The following USPL1 variants were observed in gnomAD, a reference collection of about 807,000 sequenced individuals.
USPL1 encodes ubiquitin specific peptidase like 1.
Under a neutral mutation model 51.5 loss-of-function variants are expected in USPL1, and 27 were observed. The ratio of observed to expected loss-of-function variants is 0.52; its 90% CI spans 0.39 to 0.72. The LOEUF (loss-of-function observed/expected upper bound fraction) is 0.72, where lower values mean the gene tolerates loss of function less well. Ranked by LOEUF, USPL1 falls within the 30% of genes least tolerant of loss-of-function variation. The pLI is 0.00. For missense variants in USPL1, 1,226 were observed against 1,268.0 expected, an observed-to-expected ratio of 0.97 and a Z score of 0.50; for synonymous variants, 451 against 459.6, an observed-to-expected ratio of 0.98 and a Z score of 0.24.
At chr13:30,651,018 A>C (rs1369831018) in intron 7 of USPL1, among the ~76,000 whole-genome samples, 3 of 151,984 alleles carry the variant, frequency 2.0e-5, no homozygotes, top group Non-Finnish European at 4.4e-5. Context: ...AAAAAAAAAA[A>C]ATTTCATAGT....
chr13:30,639,511 G>T (rs1393113364), intron 5 of USPL1, among the ~76,000 whole-genome samples: 1 of 151,756 alleles, frequency 6.6e-6, no homozygotes, highest in Admixed American at 6.6e-5. Context: ...CCTCCTCTAG[G>T]CCTGAAGAAC....
intron 5 of USPL1, among the ~76,000 whole-genome samples, chr13:30,640,570 A>G (rs1475465613): frequency 1.3e-5 from 2 of 152,106 alleles, no homozygotes; most frequent in African/African-American, 2.4e-5. Context: ...GGTGCCTGTA[A>G]TCCCAGCTAC....
chr13:30,647,210 G>A, intron 7 of USPL1, 153 bp downstream of exon 7: 3 of 883,696 alleles, frequency 3.4e-6, no homozygotes, highest in African/African-American at 1.7e-5. Context: ...CGCTCTATCT[G>A]GCCAGTGAGC....
chr13:30,629,553 A>G lies in USPL1; in HGVS notation c.229-1282A>G, dbSNP rs1204025664. Reference sequence around the variant, plus strand: ...TATGTGAGTTGACTAGGGAATTCTTACACATCACACCATGTCAGCTGGGAC... The same window carrying G: ...TATGTGAGTTGACTAGGGAATTCTTGCACATCACACCATGTCAGCTGGGAC... On this transcript the variant is annotated intron_variant, in intron 3 of 8. Coordinates refer to ENST00000255304, the MANE Select transcript of USPL1 (RefSeq NM_005800.5). Among the ~76,000 whole-genome samples, 4 of 152,162 alleles carry G rather than the reference A, an allele frequency of 2.6e-5. No homozygotes were observed. In the East Asian group the frequency reaches 5.8e-4, roughly 22 times the overall value.
intron 3 of USPL1, among the ~76,000 whole-genome samples, chr13:30,624,046 C>G (rs1482672410): frequency 1.3e-5 from 2 of 152,172 alleles, no homozygotes; most frequent in South Asian, 2.1e-4. Flanking sequence ...TGTAGCCAGT[C>G]AGTCAGATGT....
At chr13:30,633,010 A>G (rs1373185878) in intron 4 of USPL1, among the ~76,000 whole-genome samples, 1 of 147,914 alleles carries the variant, frequency 6.8e-6, no homozygotes, top group African/African-American at 2.5e-5. Context: ...CCTCCCCCCC[A>G]TAAGTAATCA....
chr13:30,643,956 C>G (rs573354538), intron 6 of USPL1, among the ~76,000 whole-genome samples: 7 of 151,900 alleles, frequency 4.6e-5, no homozygotes, highest in African/African-American at 1.7e-4. Context: ...CTTGAAGTCT[C>G]TCTAAGTTAC....
At chr13:30,653,108 A>G (rs1405182367) in intron 7 of USPL1, 40 bp from the exon 8 acceptor site, 2 of 1,538,478 alleles carry the variant, frequency 1.3e-6, no homozygotes, top group South Asian at 1.2e-5. Context: ...GACACATGGC[A>G]TTAAATTTAT....
intron 5 of USPL1, 57 bp from the exon 6 acceptor site, chr13:30,642,571 G>C: frequency 6.3e-7 from 1 of 1,575,932 alleles, no homozygotes; most frequent in South Asian, 1.2e-5. Context: ...TCACAATTTT[G>C]GTTTAGTTTT....
At chr13:30,651,144 TGGATAGCTTTGGTG>T (rs987426988) in intron 7 of USPL1, among the ~76,000 whole-genome samples, 1 of 152,216 alleles carries the variant, frequency 6.6e-6, no homozygotes, top group Non-Finnish European at 1.5e-5. Context: ...CATCAGACCC[TGGATAGCTTTGGTG>T]TACTGGTCGA....
intron 3 of USPL1, among the ~76,000 whole-genome samples, chr13:30,622,478 T>C (rs1487525600): frequency 6.6e-6 from 1 of 152,336 alleles, no homozygotes; most frequent in East Asian, 1.9e-4. Flanking sequence ...GACTGTCTCA[T>C]ACACTTTTAA....
intron 1 of USPL1, among the ~76,000 whole-genome samples, chr13:30,620,378 T>A (rs1167482801): frequency 6.6e-6 from 1 of 152,228 alleles, no homozygotes; most frequent in Admixed American, 6.5e-5. Context: ...ATTTTTTGCT[T>A]ACACTGAGCT....
At chr13:30,641,189 G>T (rs898365438) in intron 5 of USPL1, among the ~76,000 whole-genome samples, 3 of 152,248 alleles carry the variant, frequency 2.0e-5, no homozygotes, top group Admixed American at 2.0e-4. Context: ...TTTGAATTAG[G>T]ATCTCAGGGA....
Position 30,621,171 on chromosome 13 carries a change from T to G in USPL1, c.31T>G (p.Leu11Val). The part of the protein sequence containing the change: MMDSPKIGNG[L>V]PVIGPGTDIG... ...GGATTCTCCGAAGATTGGAAATGGTTTGCCAGTGATTGGACCAGGGACTGA... is the reference window on the plus strand; with the variant it reads ...GGATTCTCCGAAGATTGGAAATGGTGTGCCAGTGATTGGACCAGGGACTGA... Residue 11 changes from leucine (L) to valine (V), a missense_variant, in exon 2 of 9, where the codon TTG becomes GTG. Transcript: ENST00000255304. 1.9e-6 allele frequency: 3 copies of G among 1,607,616 alleles called. No homozygotes were observed. Among genetic ancestry groups the G allele is most frequent in the Non-Finnish European group, 2.5e-6 (3 of 1,177,896 alleles).
chr13:30,625,411 C>G (rs917756978), intron 3 of USPL1, among the ~76,000 whole-genome samples: 3 of 148,206 alleles, frequency 2.0e-5, no homozygotes, highest in African/African-American at 7.5e-5. Context: ...GTTAGATGTA[C>G]TACATAGATT....
At chr13:30,635,804 T>G (rs564083022) in intron 4 of USPL1, among the ~76,000 whole-genome samples, 8 of 152,228 alleles carry the variant, frequency 5.3e-5, no homozygotes, top group Non-Finnish European at 1.0e-4. Context: ...CTGTTGTGAA[T>G]TAACACCAGG....
intron 5 of USPL1, among the ~76,000 whole-genome samples, chr13:30,638,417 T>C (rs561750521): frequency 3.9e-5 from 6 of 152,150 alleles, no homozygotes; most frequent in Admixed American, 1.3e-4. Context: ...AAGAGAAATA[T>C]GCTGATGGCC....
chr13:30,631,792 CTTGTCT>C (rs1269270092), intron 4 of USPL1, among the ~76,000 whole-genome samples: 2 of 152,120 alleles, frequency 1.3e-5, no homozygotes, highest in Non-Finnish European at 2.9e-5. Flanking sequence ...TTCCAGCCTA[CTTGTCT>C]TTAATTCTTA....
In USPL1 at chr13:30,629,086, T is replaced by TCATA. The variant is rs143008887; in HGVS notation, c.229-1748_229-1745dup. On this transcript the variant is annotated intron_variant, in intron 3 of 8. Coordinates refer to ENST00000255304, the MANE Select transcript of USPL1 (RefSeq NM_005800.5). ...ACTTGTCCATTTATACTAAAGAATTTCATAGTAAGTGCAGTATTATGAGTG... is the reference window on the plus strand; with the variant it reads ...ACTTGTCCATTTATACTAAAGAATTTCATACATAGTAAGTGCAGTATTATGAGTG... 2.6e-3 allele frequency among the ~76,000 whole-genome samples: 389 copies of TCATA among 152,332 alleles called. 1 individual carries two copies. Among genetic ancestry groups the TCATA allele is most frequent in the African/African-American group, 8.8e-3 (365 of 41,582 alleles).
Sources: allele counts gnomAD v4.1 joint callset (sites outside exome capture counted in the v4.1 genomes callset), GRCh38; gene constraint gnomAD v4.1.1; transcripts MANE v1.5; gene names NCBI Gene and HGNC (gene_info 2026-07-23, HGNC 2026-07-21).